Variants in CCDC183 observed in about 807,000 individuals in gnomAD.
CCDC183 encodes the protein coiled-coil domain-containing protein 183.
Under a neutral mutation model 65.2 loss-of-function variants are expected in CCDC183, and 63 were observed. That is an observed-to-expected ratio of 0.97 (90% CI 0.79 to 1.19). The LOEUF (loss-of-function observed/expected upper bound fraction) is 1.19, where lower values mean the gene tolerates loss of function less well. CCDC183 is among the 50% of genes most tolerant of loss of function. CCDC183 has a pLI of 0.00. For synonymous variants in CCDC183, 323 were observed against 276.5 expected, an observed-to-expected ratio of 1.17 and a Z score of -1.67; for missense variants, 769 against 689.3, an observed-to-expected ratio of 1.12 and a Z score of -1.30.
rs1847757013 is a variant in CCDC183, at chr9:136,802,771, CACGG to C, written c.653_656del (p.Thr218MetfsTer7). The C allele has an allele frequency of 1.2e-6, 2 of 1,611,866 alleles. No homozygotes were observed. Among genetic ancestry groups the C allele is most frequent in the African/African-American group, 1.3e-5 (1 of 74,912 alleles). On this transcript the variant is annotated frameshift_variant, in exon 6 of 14. Coordinates refer to ENST00000338005, the MANE Select transcript of CCDC183 (RefSeq NM_001039374.5). LOFTEE classifies it high-confidence loss of function. ...TCATGTCCCAAGATGCCATGATGAT[CACGG>C]ATGAGGTCAAGGTGAGCTCAGGGCC...
intron 2 of CCDC183, 117 bp from the exon 3 acceptor site, chr9:136,799,596 G>C: frequency 1.1e-6 from 1 of 877,470 alleles, no homozygotes; most frequent in South Asian, 1.6e-5. Context: ...GTGGAAGCAG[G>C]GATCTCGCTA....
intron 2 of CCDC183, chr9:136,799,432 G>A: frequency 1.1e-6 from 1 of 878,524 alleles, no homozygotes; most frequent in Non-Finnish European, 1.7e-6. Context: ...CCAACCCGAG[G>A]GCTTGGCATC....
chr9:136,802,841 C>T (rs372301033), intron 6 of CCDC183, 55 bp downstream of exon 6: 88 of 548,978 alleles, frequency 1.6e-4, no homozygotes, highest in African/African-American at 1.1e-3. Flanking sequence ...CTTGGATCTT[C>T]GGATGGGGTC....
chr9:136,804,493 T>C lies in CCDC183; in HGVS notation c.667-9T>C. ...CTCCCCAACCCTGTGCCCACCCGCA[T>C]GTCCCCAGAGGAACATGAGGCAAAG... is the stretch of plus-strand genomic sequence containing the variant. On this transcript the variant is annotated splice_polypyrimidine_tract_variant and intron_variant, in intron 6 of 13. Coordinates refer to ENST00000338005, the MANE Select transcript of CCDC183 (RefSeq NM_001039374.5). This position sits in a 1 kb window ranked among gnomAD's most constrained non-coding sequence, Gnocchi z 4.1. 2 of 1,611,576 alleles carry C rather than the reference T, an allele frequency of 1.2e-6. No homozygotes were observed. Among genetic ancestry groups the C allele is most frequent in the Non-Finnish European group, 1.7e-6 (2 of 1,179,496 alleles).
rs369113437 is a variant in CCDC183 at position 136,805,310 on chromosome 9, C to T, written c.848-47C>T. 227 of 1,514,292 alleles carry T rather than the reference C, an allele frequency of 1.5e-4. No homozygotes were observed. In the African/African-American group the frequency reaches 2.9e-3, roughly 19 times the overall value. 93.8% of individuals were successfully genotyped at this position (1,514,292 alleles called of 1,614,324 possible). On this transcript the variant is annotated intron_variant, in intron 8 of 13. Transcript: ENST00000338005. Reference sequence around the variant, plus strand: ...TGTCTGACAGCCTTACACAGAGCCCCTGAGCCATCCCTGCATGCTGACTGC... The same window carrying T: ...TGTCTGACAGCCTTACACAGAGCCCTTGAGCCATCCCTGCATGCTGACTGC...
Position 136,800,553 on chromosome 9 carries a change from G to A in CCDC183, c.543+60G>A, listed in dbSNP as rs779619019. The A allele has an allele frequency of 2.1e-5, 27 of 1,273,930 alleles. No homozygotes were observed. In the African/African-American group the frequency reaches 3.8e-4, roughly 18 times the overall value. 78.9% of individuals were successfully genotyped at this position (1,273,930 alleles called of 1,614,324 possible). A position where few individuals can be genotyped will look rare whatever the true frequency, so the allele number is the denominator to read the frequency against. On this transcript the variant is annotated intron_variant, in intron 5 of 13. Transcript: ENST00000338005. ...GGGCTGGGATCTGGGAGGGGCGGGA[G>A]CGTCCTGGGGCGGAGCCGCCCCGCA...
In CCDC183 at chr9:136,799,138, A is replaced by T. The variant is rs759550831; in HGVS notation, c.107A>T (p.Glu36Val). Residue 36 changes from glutamate (E) to valine (V), a missense_variant, in exon 2 of 14, where the codon GAG becomes GTG. Glu to Val is a moderately radical substitution (Grantham distance 121). Coordinates refer to ENST00000338005, the MANE Select transcript of CCDC183 (RefSeq NM_001039374.5). Reference sequence around the variant, plus strand: ...GCACTCCAGATCCAAGGGGTGAAAGAGAATATGGACCAGAACAAGGCCACG... The same window carrying T: ...GCACTCCAGATCCAAGGGGTGAAAGTGAATATGGACCAGAACAAGGCCACG... Reference protein sequence around the residue: ...CRALQIQGVKENMDQNKATLA... With the variant: ...CRALQIQGVKVNMDQNKATLA... The T allele has an allele frequency of 1.1e-5, 17 of 1,613,508 alleles. No homozygotes were observed. Among genetic ancestry groups the T allele is most frequent in the Non-Finnish European group, 1.4e-5 (17 of 1,179,926 alleles).
Position 136,807,086 on chromosome 9 carries a change from G to T in CCDC183, c.1486+20G>T. On this transcript the variant is annotated intron_variant, in intron 13 of 13. Transcript: ENST00000338005. Reference sequence around the variant, plus strand: ...TGATCGGTACAGGCCCCGGAACTGGGGCCCGGGCTGCAGGCGGGTGGCTGG... The same window carrying T: ...TGATCGGTACAGGCCCCGGAACTGGTGCCCGGGCTGCAGGCGGGTGGCTGG... 3 of 1,611,350 alleles carry T rather than the reference G, an allele frequency of 1.9e-6. No individual in the cohort carries two copies. The highest frequency in any genetic ancestry group is 2.5e-6 in the Non-Finnish European group (3 of 1,178,880).
chr9:136,806,940 T>C, intron 12 of CCDC183, 30 bp from the exon 13 acceptor site: 2 of 1,613,476 alleles, frequency 1.2e-6, no homozygotes, highest in Non-Finnish European at 1.7e-6. Context: ...TCAGAGTGTC[T>C]GCACGGCTGA....
intron 1 of CCDC183, among the ~76,000 whole-genome samples, chr9:136,798,888 CG>C: frequency 6.6e-6 from 1 of 152,352 alleles, no homozygotes; most frequent in Non-Finnish European, 1.5e-5. Context: ...TCCACCTCCC[CG>C]CACCTGTCCA....
intron 2 of CCDC183, 44 bp from the exon 3 acceptor site, chr9:136,799,669 G>T: frequency 1.3e-6 from 2 of 1,562,950 alleles, no homozygotes; most frequent in Non-Finnish European, 1.8e-6. Context: ...GCGGCTGCGG[G>T]TGCGCAAAGG....
chr9:136,807,028 C>A lies in CCDC183; in HGVS notation c.1448C>A (p.Thr483Asn), dbSNP rs1302432211. The change falls in exon 13 of 14, where the codon ACC becomes AAC. Residue 483 changes from threonine (T) to asparagine (N), a missense_variant. Physicochemically the swap from Thr to Asn is moderately conservative, Grantham distance 65 (BLOSUM62 0). Coordinates refer to ENST00000338005, the MANE Select transcript of CCDC183 (RefSeq NM_001039374.5). ...TCGACTCTGATGGAGAAGTACAACACCAGGATCAGCTTTGAGAACCGGGAG... is the reference window on the plus strand; with the variant it reads ...TCGACTCTGATGGAGAAGTACAACAACAGGATCAGCTTTGAGAACCGGGAG... ...ESSTLMEKYN[T>N]RISFENREED... The A allele has an allele frequency of 1.9e-6, 3 of 1,613,466 alleles. No homozygotes were observed. Among genetic ancestry groups the A allele is most frequent in the Non-Finnish European group, 2.5e-6 (3 of 1,180,024 alleles).
In CCDC183 at chr9:136,805,510, C is replaced by T. The variant is rs778072949; in HGVS notation, c.948+53C>T. The T allele has an allele frequency of 3.2e-5, 49 of 1,535,338 alleles. No homozygotes were observed. In the Admixed American group the frequency reaches 3.5e-4, roughly 11 times the overall value. Reference sequence around the variant, plus strand: ...GGCAGGAGGGTGGCTGAGCCTCTCACGTCTGGGTAATGCTCCCTGGCACTC... The same window carrying T: ...GGCAGGAGGGTGGCTGAGCCTCTCATGTCTGGGTAATGCTCCCTGGCACTC... On this transcript the variant is annotated intron_variant, in intron 9 of 13. Transcript: ENST00000338005.
rs763257000 is a variant in CCDC183, at chr9:136,805,441, G to A, written c.932G>A (p.Arg311Gln). The A allele has an allele frequency of 8.7e-6, 14 of 1,613,746 alleles. No individual in the cohort carries two copies. Among genetic ancestry groups the A allele is most frequent in the East Asian group, 2.2e-5 (1 of 44,884 alleles). ...GTGGAGAAGGTCAAGAGTGCTGTAC[G>A]GTGCTCTCACGTCTGGGTAATGCCC... ...AVVEKVKSAV[R>Q]CSHVWDITSR... The change falls in exon 9 of 14, where the codon CGG becomes CAG. Residue 311 changes from arginine to glutamine, a missense_variant. By Grantham distance (43) the Arg-to-Gln change is conservative (BLOSUM62 1). Coordinates refer to ENST00000338005, the MANE Select transcript of CCDC183 (RefSeq NM_001039374.5).
Position 136,804,599 on chromosome 9 carries a change from C to G in CCDC183, c.764C>G (p.Thr255Arg), listed in dbSNP as rs557045264. The part of the protein sequence containing the change: ...QQKKLIDKIH[T>R]KETSEKYRRG... ...AAGAAGCTGATCGACAAGATCCACACGAAGGAGACCAGCGAGAAGTACCGC... is the reference window on the plus strand; with the variant it reads ...AAGAAGCTGATCGACAAGATCCACAGGAAGGAGACCAGCGAGAAGTACCGC... The change falls in exon 7 of 14, where the codon ACG becomes AGG. Residue 255 changes from threonine (T) to arginine (R), a missense_variant. Coordinates refer to ENST00000338005, the MANE Select transcript of CCDC183 (RefSeq NM_001039374.5). The surrounding 1 kb of genome is among the most constrained non-coding windows in gnomAD (Gnocchi z 4.1). 25 of 1,613,590 alleles carry G rather than the reference C, an allele frequency of 1.5e-5. No individual in the cohort carries two copies. In the South Asian group the frequency reaches 2.0e-4, roughly 13 times the overall value.
At chr9:136,803,555 C>G (rs1564350455) in intron 6 of CCDC183, among the ~76,000 whole-genome samples, 1 of 152,190 alleles carries the variant, frequency 6.6e-6, no homozygotes, top group Admixed American at 6.5e-5. Flanking sequence ...GGGACCGGGA[C>G]AGGCAGACCC....
At chr9:136,803,471 G>C (rs1444360662) in intron 6 of CCDC183, among the ~76,000 whole-genome samples, 1 of 152,066 alleles carries the variant, frequency 6.6e-6, no homozygotes, top group South Asian at 2.1e-4. Context: ...GGAGAGAACT[G>C]GCCGGGCCAG....
At position 136,799,236 on chromosome 9, in the gene CCDC183, C is replaced by T. The variant is rs748288944; in HGVS notation, c.192+13C>T. ...TTTGGCCAAGAAGGTACACAAACGC[C>T]GCCCCTCCCCTCTGCCTGGCGAGCA... On this transcript the variant is annotated intron_variant, in intron 2 of 13. Transcript: ENST00000338005. 14 of 1,585,456 alleles carry T rather than the reference C, an allele frequency of 8.8e-6. No homozygotes were observed. Among genetic ancestry groups the T allele is most frequent in the South Asian group, 8.1e-5 (7 of 86,620 alleles).
intron 3 of CCDC183, 47 bp downstream of exon 3, chr9:136,799,837 C>A (rs1250764233): frequency 6.6e-7 from 1 of 1,523,084 alleles, no homozygotes; most frequent in Non-Finnish European, 9.0e-7. Context: ...CCCACCCCTG[C>A]CAGCACCCCC....
Sources: allele counts gnomAD v4.1 joint callset (sites outside exome capture counted in the v4.1 genomes callset), GRCh38; gene constraint gnomAD v4.1.1; non-coding constraint Gnocchi (gnomAD v3.1); transcripts MANE v1.5; gene names NCBI Gene and HGNC (gene_info 2026-07-23, HGNC 2026-07-21).